Variants in NRDE2 observed in about 807,000 individuals in gnomAD.
NRDE2 encodes the protein nuclear exosome regulator NRDE2.
A neutral mutation model predicts 124.2 loss-of-function variants in NRDE2; 76 were observed. The observed-to-expected ratio is 0.61, with a 90% confidence interval of 0.51 to 0.74. The LOEUF is 0.74. Among genes scored for constraint, NRDE2 ranks in the 30% least tolerant of loss-of-function variants. NRDE2 has a pLI of 0.00. For missense variants in NRDE2, 1,314 were observed against 1,417.3 expected, an observed-to-expected ratio of 0.93 and a Z score of 1.17; for synonymous variants, 489 against 528.1, an observed-to-expected ratio of 0.93 and a Z score of 1.01.
intron 13 of NRDE2, 64 bp from the exon 14 acceptor site, chr14:90,278,525 A>G: frequency 6.3e-7 from 1 of 1,598,484 alleles, no homozygotes; most frequent in Non-Finnish European, 8.5e-7. Flanking sequence ...GGAGGAGCTC[A>G]GGAAGCAAGG....
chr14:90,306,288 G>A (rs768598792), intron 4 of NRDE2, among the ~76,000 whole-genome samples: 6 of 152,170 alleles, frequency 3.9e-5, no homozygotes, highest in Non-Finnish European at 8.8e-5. Flanking sequence ...CACCTCTGTG[G>A]CTTCTCTGCG....
intron 9 of NRDE2, among the ~76,000 whole-genome samples, 177 bp from the exon 10 acceptor site, chr14:90,290,784 G>C (rs1892253333): frequency 6.6e-6 from 1 of 152,204 alleles, no homozygotes; most frequent in African/African-American, 2.4e-5. Context: ...AGGCAACCTG[G>C]ACAGCTGGAG....
chr14:90,292,717 A>G lies in NRDE2; in HGVS notation c.1822T>C (p.Cys608Arg), dbSNP rs1892304368. 6.2e-7 allele frequency: 1 copy of G among 1,613,906 alleles called. No individual in the cohort carries two copies. The highest frequency in any genetic ancestry group is 1.7e-5 in the Admixed American group (1 of 60,000). The change falls in exon 9 of 14, where the codon TGT (cysteine) becomes CGT (arginine). Residue 608 changes from cysteine (C) to arginine (R), a missense_variant. Coordinates refer to ENST00000354366, the MANE Select transcript of NRDE2 (RefSeq NM_017970.4). ...DKTKKQTEED[C>R]EDPERQVLFD... ...CATGCCTGTCTCTCGGGATCCTCAC[A>G]GTCTTCCTCGGTTTGCTTCTTGGTC...
rs202166983 is a variant in NRDE2 at position 90,292,684 on chromosome 14, G to A, written c.1842+13C>T. On this transcript the variant is annotated intron_variant, in intron 9 of 13. Transcript: ENST00000354366. The stretch of plus-strand genomic sequence containing the variant: ...CCCTGGACAGCTTCCTGCCTGGGGC[G>A]GAGGATACATGCCTGTCTCTCGGGA... The A allele has an allele frequency of 3.8e-5, 61 of 1,606,558 alleles. No individual in the cohort carries two copies. In the East Asian group the frequency reaches 4.0e-4, roughly 11 times the overall value.
At position 90,271,525 on chromosome 14, in the gene NRDE2, T is replaced by C. The variant is rs1891662579; in HGVS notation, c.*6811A>G. On this transcript the variant is annotated 3_prime_UTR_variant, in exon 14 of 14. Coordinates refer to ENST00000354366, the MANE Select transcript of NRDE2 (RefSeq NM_017970.4). ...TACTCTGTAGTATTATTCCATAGTATAGATACTGCCACTTACAGTATCTAA... is the reference window on the plus strand; with the variant it reads ...TACTCTGTAGTATTATTCCATAGTACAGATACTGCCACTTACAGTATCTAA... 6.6e-6 allele frequency: 1 copy of C among 152,258 alleles called. No individual in the cohort carries two copies. The highest frequency in any genetic ancestry group is 2.4e-5 in the African/African-American group (1 of 41,468). 9.4% of individuals were successfully genotyped at this position (152,258 alleles called of 1,614,324 possible). A position where few individuals can be genotyped will look rare whatever the true frequency, so the allele number is the denominator to read the frequency against.
chr14:90,292,805 C>G lies in NRDE2; in HGVS notation c.1734G>C (p.Gln578His), dbSNP rs1892309123. The G allele has an allele frequency of 1.2e-6, 2 of 1,614,236 alleles. No individual in the cohort carries two copies. The highest frequency in any genetic ancestry group is 8.5e-7 in the Non-Finnish European group (1 of 1,180,026). ...GGGAACGCTCAGCAGCAAGCCAGAT[C>G]TGCCACCTGGGCAGAGTCTTATCTT... ...EIKDKTLPRWQIWLAAERSRD... is the reference protein window; with the variant it reads ...EIKDKTLPRWHIWLAAERSRD... Residue 578 changes from glutamine (Q) to histidine (H), a missense_variant, in exon 9 of 14, where the codon CAG (glutamine) becomes CAC (histidine). By Grantham distance (24) the Gln-to-His change is conservative. Transcript: ENST00000354366.
chr14:90,296,852 G>C (rs994251014), intron 8 of NRDE2, among the ~76,000 whole-genome samples: 1 of 152,260 alleles, frequency 6.6e-6, no homozygotes, highest in Middle Eastern at 3.4e-3. Flanking sequence ...AAAGTAGCTA[G>C]TCTGGGCTGG....
Position 90,270,143 on chromosome 14 carries a change from T to C in NRDE2, c.*8193A>G. The C allele has an allele frequency of 9.4e-6, 15 of 1,591,112 alleles. No homozygotes were observed. The highest frequency in any genetic ancestry group is 1.2e-5 in the Non-Finnish European group (14 of 1,164,448). ...GAGATGGGCTGAGGCCTCTGAGCCA[T>C]GGCCGAGCCTGGGTTTGGATGTTGG... On this transcript the variant is annotated 3_prime_UTR_variant, in exon 14 of 14. Coordinates refer to ENST00000354366, the MANE Select transcript of NRDE2 (RefSeq NM_017970.4).
In NRDE2 at chr14:90,272,211, GA is replaced by G; in HGVS notation, c.*6124del. On this transcript the variant is annotated 3_prime_UTR_variant, in exon 14 of 14. Coordinates refer to ENST00000354366, the MANE Select transcript of NRDE2 (RefSeq NM_017970.4). This position sits in a 1 kb window ranked among gnomAD's most constrained non-coding sequence, Gnocchi z 4.5. The stretch of plus-strand genomic sequence containing the variant: ...GCCTGGCCTCAGAATAGGTTTTTTG[GA>G]ATTCCTTGTTAGAATAAAAATGAGT... 1 of 1,579,444 alleles carries G rather than the reference GA, an allele frequency of 6.3e-7. No homozygotes were observed. Among genetic ancestry groups the G allele is most frequent in the South Asian group, 1.2e-5 (1 of 85,550 alleles).
At chr14:90,318,747 C>T (rs908019332) in intron 1 of NRDE2, among the ~76,000 whole-genome samples, 9 of 152,210 alleles carry the variant, frequency 5.9e-5, no homozygotes, top group East Asian at 1.9e-4. Flanking sequence ...TGCAGTGAGC[C>T]GGTATCACGC....
rs1174570785 is a variant in NRDE2, at chr14:90,288,414, G to A, written c.2961C>T (p.Leu987=). The change falls in exon 11 of 14, where the codon CTC becomes CTT. Residue 987 remains leucine (L), a synonymous_variant. Transcript: ENST00000354366. Reference sequence around the variant, plus strand: ...CTGGATACAACTTTAAAGCCTGTGAGAGTGCCTCTCGCAGAGGGGCCAGCG... The same window carrying A: ...CTGGATACAACTTTAAAGCCTGTGAAAGTGCCTCTCGCAGAGGGGCCAGCG... ...VYPLAPLREA[L]SQALKLYPGN... 9 of 1,614,176 alleles carry A rather than the reference G, an allele frequency of 5.6e-6. No homozygotes were observed. The highest frequency in any genetic ancestry group is 7.6e-6 in the Non-Finnish European group (9 of 1,180,036).
intron 8 of NRDE2, among the ~76,000 whole-genome samples, chr14:90,294,466 A>G (rs893762209): frequency 2.0e-5 from 3 of 152,188 alleles, no homozygotes; most frequent in South Asian, 2.1e-4. Flanking sequence ...ATGTGCATTG[A>G]CAAATGGATG....
At chr14:90,316,513 G>T in intron 3 of NRDE2, 65 bp downstream of exon 3, 1 of 1,125,664 alleles carries the variant, frequency 8.9e-7, no homozygotes. Context: ...CTAATTTGCG[G>T]CAACAATTAA....
Position 90,286,391 on chromosome 14 carries a change from T to A in NRDE2, c.3260A>T (p.Gln1087Leu). 1 of 1,614,158 alleles carries A rather than the reference T, an allele frequency of 6.2e-7. No homozygotes were observed. Among genetic ancestry groups the A allele is most frequent in the Non-Finnish European group, 8.5e-7 (1 of 1,180,006 alleles). Residue 1087 changes from glutamine to leucine, a missense_variant, in exon 12 of 14, where the codon CAG becomes CTG. By Grantham distance (113) the Gln-to-Leu change is moderately radical. Coordinates refer to ENST00000354366, the MANE Select transcript of NRDE2 (RefSeq NM_017970.4). The stretch of plus-strand genomic sequence containing the variant: ...ATACATCCTCCACAGCAAGGGGCAC[T>A]GGCTGCCACTGTCGCTGCGCATGGC... The part of the protein sequence containing the change: ...ENAMRSDSGS[Q>L]CPLLWRMYLN...
rs1431313919 is a variant in NRDE2, at chr14:90,273,445, C to A, written c.*4891G>T. 6.6e-6 allele frequency: 1 copy of A among 152,216 alleles called. No individual in the cohort carries two copies. Among genetic ancestry groups the A allele is most frequent in the African/African-American group, 2.4e-5 (1 of 41,426 alleles). The allele number at this position is 152,216 out of a possible 1,614,324, so 9.4% of individuals were successfully genotyped here. Reference sequence around the variant, plus strand: ...TGGTGGCAGGTGCCTGTAGTCCCAGCTACTCAGGAGGCTGAGGCAGGACAA... The same window carrying A: ...TGGTGGCAGGTGCCTGTAGTCCCAGATACTCAGGAGGCTGAGGCAGGACAA... On this transcript the variant is annotated 3_prime_UTR_variant, in exon 14 of 14. Coordinates refer to ENST00000354366, the MANE Select transcript of NRDE2 (RefSeq NM_017970.4).
chr14:90,292,749 G>A lies in NRDE2; in HGVS notation c.1790C>T (p.Pro597Leu), dbSNP rs762494516. 1.5e-5 allele frequency: 24 copies of A among 1,614,184 alleles called. No individual in the cohort carries two copies. The highest frequency in any genetic ancestry group is 1.8e-5 in the Non-Finnish European group (21 of 1,180,034). Residue 597 changes from proline (P) to leucine (L), a missense_variant, in exon 9 of 14, where the codon CCT becomes CTT. Coordinates refer to ENST00000354366, the MANE Select transcript of NRDE2 (RefSeq NM_017970.4). Reference sequence around the variant, plus strand: ...CTCGGTTTGCTTCTTGGTCTTATCAGGGCGCCAGGGCCGCCAGTGCCTCTG... The same window carrying A: ...CTCGGTTTGCTTCTTGGTCTTATCAAGGCGCCAGGGCCGCCAGTGCCTCTG... Reference protein sequence around the residue: ...RDQRHWRPWRPDKTKKQTEED... With the variant: ...RDQRHWRPWRLDKTKKQTEED...
At chr14:90,291,761 T>C (rs1892276434) in intron 9 of NRDE2, among the ~76,000 whole-genome samples, 1 of 152,206 alleles carries the variant, frequency 6.6e-6, no homozygotes, top group Admixed American at 6.5e-5. Flanking sequence ...TCCCCACTCC[T>C]CAAACGCTCC....
chr14:90,300,900 G>A, intron 7 of NRDE2, among the ~76,000 whole-genome samples: 1 of 112,670 alleles, frequency 8.9e-6, no homozygotes, highest in Non-Finnish European at 1.9e-5. Flanking sequence ...GGGAGGGGAA[G>A]GGGGCAGGGA....
Position 90,304,259 on chromosome 14 carries a change from CTT to C in NRDE2, c.679_680del (p.Lys227GlufsTer13). 6.2e-7 allele frequency: 1 copy of C among 1,614,174 alleles called. No individual in the cohort carries two copies. The highest frequency in any genetic ancestry group is 8.5e-7 in the Non-Finnish European group (1 of 1,180,040). The part of the protein sequence containing the change: ...RKQVERYFTK[K>X]SVGLMNIDGV... ...CATCGATGTTCATTAATCCCACACT[CTT>C]CTTAGTAAAATAGCGTTCAACCTGC... On this transcript the variant is annotated frameshift_variant, in exon 5 of 14. Coordinates refer to ENST00000354366, the MANE Select transcript of NRDE2 (RefSeq NM_017970.4). LOFTEE classifies it high-confidence loss of function.
Sources: allele counts gnomAD v4.1 joint callset (sites outside exome capture counted in the v4.1 genomes callset), GRCh38; gene constraint gnomAD v4.1.1; non-coding constraint Gnocchi (gnomAD v3.1); transcripts MANE v1.5; gene names NCBI Gene and HGNC (gene_info 2026-07-23, HGNC 2026-07-21).